Variants in PARD3 observed in about 807,000 individuals in gnomAD.
PARD3 encodes the protein par-3 family cell polarity regulator.
In PARD3, 75 loss-of-function variants were observed where a neutral mutation model predicts 155.4. The observed-to-expected ratio is 0.48, with a 90% CI of 0.40 to 0.58. The LOEUF (loss-of-function observed/expected upper bound fraction) is 0.58, where lower values mean the gene tolerates loss of function less well. Among genes scored for constraint, PARD3 ranks in the 20% least tolerant of loss-of-function variants. PARD3 has a pLI of 0.00. For synonymous variants in PARD3, 576 were observed against 610.5 expected (o/e 0.94, Z 0.83); for missense variants, 1,642 against 1,721.7 (o/e 0.95, Z 0.82).
chr10:34,625,461 T>C (rs1195605866), intron 2 of PARD3, among the ~76,000 whole-genome samples: 2 of 152,252 alleles, frequency 1.3e-5, no homozygotes, highest in Non-Finnish European at 2.9e-5. Flanking sequence ...GGTGGTGGGC[T>C]TGGGGACTCC....
intron 2 of PARD3, among the ~76,000 whole-genome samples, chr10:34,637,629 G>T (rs1422551386): frequency 3.3e-5 from 5 of 152,310 alleles, no homozygotes; most frequent in African/African-American, 1.2e-4. Flanking sequence ...GAAAGCCAAG[G>T]AGACCCTTGC....
intron 2 of PARD3, among the ~76,000 whole-genome samples, chr10:34,597,145 T>C (rs1029371405): frequency 6.6e-6 from 1 of 152,020 alleles, no homozygotes; most frequent in South Asian, 2.1e-4. Context: ...TTAAGAACAG[T>C]TGGGAAGGGT....
intron 5 of PARD3, among the ~76,000 whole-genome samples, chr10:34,406,079 T>C (rs1418925451): frequency 6.6e-6 from 1 of 152,128 alleles, no homozygotes; most frequent in Admixed American, 6.5e-5. Flanking sequence ...AACTGCAGAG[T>C]TTAATCAAAG....
rs1381265840 is a variant in PARD3, at chr10:34,405,260, A to G, written c.715-3343T>C. On this transcript the variant is annotated intron_variant, in intron 5 of 24. Transcript: ENST00000374788. ...TATTGAAGACAGAAATAGATAACAC[A>G]TAATACAGAAAACAAACCTCGATAA... Among the ~76,000 whole-genome samples, 15 of 152,322 alleles carry G rather than the reference A, an allele frequency of 9.8e-5. No individual in the cohort carries two copies. In the South Asian group the frequency reaches 1.2e-3, roughly 13 times the overall value.
At chr10:34,692,646 G>C (rs1311631433) in intron 2 of PARD3, among the ~76,000 whole-genome samples, 1 of 152,142 alleles carries the variant, frequency 6.6e-6, no homozygotes, top group Non-Finnish European at 1.5e-5. Context: ...AGGCCAAGGA[G>C]GGTGGATCAC....
rs1296761546 is a variant in PARD3, at chr10:34,277,385, C to T, written c.3176+6750G>A. ...TGCCAGGTGAATCTAACAACTGCCC[C>T]CTAACAGTAGGTAAGCTGCCAGTTT... On this transcript the variant is annotated intron_variant, in intron 21 of 24. Transcript: ENST00000374788. Among the ~76,000 whole-genome samples, 3 of 152,050 alleles carry T rather than the reference C, an allele frequency of 2.0e-5. No homozygotes were observed. The East Asian group carries it at 5.8e-4, about 29-fold the overall frequency.
intron 21 of PARD3, among the ~76,000 whole-genome samples, chr10:34,280,554 G>A (rs911867326): frequency 5.9e-5 from 9 of 152,154 alleles, no homozygotes; most frequent in African/African-American, 1.2e-4. Flanking sequence ...TGGTAAGCAC[G>A]CACTTTCATA....
intron 20 of PARD3, among the ~76,000 whole-genome samples, chr10:34,304,884 T>C (rs1957327389): frequency 6.6e-6 from 1 of 152,174 alleles, no homozygotes; most frequent in African/African-American, 2.4e-5. Flanking sequence ...TTGTTTGCCT[T>C]AAAAAGTCAG....
At chr10:34,684,818 CACACACACACACATATAT>C (rs2093919396) in intron 2 of PARD3, among the ~76,000 whole-genome samples, 3 of 117,778 alleles carry the variant, frequency 2.5e-5, no homozygotes, top group Admixed American at 8.2e-5. Context: ...CACACACACA[CACACACACACACATATAT>C]ACACACACAC....
chr10:34,607,503 T>TA (rs1286786898), intron 2 of PARD3, among the ~76,000 whole-genome samples: 1 of 152,080 alleles, frequency 6.6e-6, no homozygotes, highest in African/African-American at 2.4e-5. Context: ...TGAATGGATT[T>TA]AAAAAAAGGG....
At chr10:34,692,770 A>T (rs1356308890) in intron 2 of PARD3, among the ~76,000 whole-genome samples, 4 of 152,208 alleles carry the variant, frequency 2.6e-5, no homozygotes. Flanking sequence ...GCTACTCGGG[A>T]GGCTGAGGCC....
Position 34,368,496 on chromosome 10 carries a change from C to A in PARD3, c.1707+4002G>T, listed in dbSNP as rs555010460. 5.3e-5 allele frequency among the ~76,000 whole-genome samples: 8 copies of A among 152,032 alleles called. No homozygotes were observed. The East Asian group carries it at 1.4e-3, about 26-fold the overall frequency. ...GACCATCCTGGCTAACACGGTGAAACCCTGTCTCTACTAAAAATACAAAAA... is the reference window on the plus strand; with the variant it reads ...GACCATCCTGGCTAACACGGTGAAAACCTGTCTCTACTAAAAATACAAAAA... On this transcript the variant is annotated intron_variant, in intron 12 of 24. Coordinates refer to ENST00000374788, the MANE Select transcript of PARD3 (RefSeq NM_001184785.2).
At chr10:34,250,143 A>C (rs1954210130) in intron 22 of PARD3, among the ~76,000 whole-genome samples, 1 of 150,026 alleles carries the variant, frequency 6.7e-6, no homozygotes, top group African/African-American at 2.5e-5. Flanking sequence ...ATTAAAGAAA[A>C]CTGCTCCCCC....
chr10:34,413,011 TAAAATGTTAAGATA>T (rs1845247070), intron 5 of PARD3, among the ~76,000 whole-genome samples: 1 of 152,090 alleles, frequency 6.6e-6, no homozygotes, highest in African/African-American at 2.4e-5. Flanking sequence ...CGTTTACTCT[TAAAATGTTAAGATA>T]AAACAGGATC....
chr10:34,369,300 ATTTATTTATTTATTTG>A (rs1386868476), intron 12 of PARD3, among the ~76,000 whole-genome samples: 1,277 of 120,186 alleles, frequency 0.011, 19 homozygotes, highest in African/African-American at 0.051. Flanking sequence ...GATTTTTGTG[ATTTATTTATTTATTTG>A]TTTATTTATT....
chr10:34,779,245 G>A (rs1051325679), intron 1 of PARD3, among the ~76,000 whole-genome samples: 1 of 152,078 alleles, frequency 6.6e-6, no homozygotes, highest in Admixed American at 6.6e-5. Flanking sequence ...GGTGAAGGCT[G>A]CAGTGAGCCA....
Position 34,639,266 on chromosome 10 carries a change from C to A in PARD3, c.222+57052G>T, listed in dbSNP as rs183439843. On this transcript the variant is annotated intron_variant, in intron 2 of 24. Coordinates refer to ENST00000374788, the MANE Select transcript of PARD3 (RefSeq NM_001184785.2). Reference sequence around the variant, plus strand: ...CAAAAATTAGCCAGGCATGGTGGCACGTGACTGTAATCCCAGCTACTCGGG... The same window carrying A: ...CAAAAATTAGCCAGGCATGGTGGCAAGTGACTGTAATCCCAGCTACTCGGG... Among the ~76,000 whole-genome samples the A allele has an allele frequency of 7.2e-5, 11 of 151,992 alleles. No individual in the cohort carries two copies. The East Asian group carries it at 1.5e-3, about 21-fold the overall frequency.
Position 34,577,759 on chromosome 10 carries a change from T to C in PARD3, c.223-60600A>G, listed in dbSNP as rs115156552. On this transcript the variant is annotated intron_variant, in intron 2 of 24. Coordinates refer to ENST00000374788, the MANE Select transcript of PARD3 (RefSeq NM_001184785.2). ...GTGCACAGGCACACACGTGGGTACA[T>C]AGATGGATTCTTTAAATTTTAAGAT... Among the ~76,000 whole-genome samples, 807 of 152,294 alleles carry C rather than the reference T, an allele frequency of 5.3e-3. 1 individual carries two copies. The highest frequency in any genetic ancestry group is 0.018 in the African/African-American group (753 of 41,566).
At chr10:34,223,380 C>T (rs902183691) in intron 22 of PARD3, among the ~76,000 whole-genome samples, 5 of 152,098 alleles carry the variant, frequency 3.3e-5, no homozygotes, top group African/African-American at 4.8e-5. Context: ...GATCCCAGAT[C>T]GAAAACAAAC....
Sources: gnomAD v4.1 joint callset for allele counts (sites outside exome capture counted in the v4.1 genomes callset) on GRCh38, gnomAD v4.1.1 for gene constraint, MANE v1.5 for transcripts, NCBI Gene and HGNC (gene_info 2026-07-23, HGNC 2026-07-21) for gene names.